EXOC4: variants seen among roughly 807,000 people sequenced by gnomAD.
EXOC4 encodes SEC8-like 1.
EXOC4 carries 71 observed loss-of-function variants against 107.2 expected under a neutral mutation model. The ratio of observed to expected loss-of-function variants is 0.66; its 90% CI spans 0.55 to 0.81. The LOEUF is 0.81. EXOC4 is among the 30% of genes least tolerant of loss of function. The pLI, the probability that EXOC4 is intolerant of heterozygous loss-of-function variation, is 0.00. For missense variants in EXOC4, 1,108 were observed against 1,189.6 expected (o/e 0.93, Z 1.01); for synonymous variants, 456 against 441.2 (o/e 1.03, Z -0.42).
chr7:133,645,201 C>T lies in EXOC4; in HGVS notation c.1514+15060C>T, dbSNP rs547570397. ...CCGCCTCCCGGGTTCAAGTGATTCT[C>T]CTGCCTCAGCCTCCCAAGTAGCTGG... On this transcript the variant is annotated intron_variant, in intron 10 of 17. Coordinates refer to ENST00000253861, the MANE Select transcript of EXOC4 (RefSeq NM_021807.4). Among the ~76,000 whole-genome samples, 8 of 151,402 alleles carry T rather than the reference C, an allele frequency of 5.3e-5. No homozygotes were observed. In the East Asian group the frequency reaches 1.6e-3, roughly 30 times the overall value.
chr7:134,006,292 A>AAAAC (rs970274569), intron 16 of EXOC4, among the ~76,000 whole-genome samples: 36 of 152,108 alleles, frequency 2.4e-4, no homozygotes, highest in Admixed American at 3.3e-4. Flanking sequence ...TGTGGCAGCA[A>AAAAC]AAACAAACAA....
In EXOC4 at chr7:133,288,986, T is replaced by C; in HGVS notation, c.341T>C (p.Leu114Pro). 2 of 1,614,138 alleles carry C rather than the reference T, an allele frequency of 1.2e-6. No individual in the cohort carries two copies. Among genetic ancestry groups the C allele is most frequent in the Non-Finnish European group, 1.7e-6 (2 of 1,179,996 alleles). Residue 114 changes from leucine to proline, a missense_variant, in exon 3 of 18, where the codon CTG becomes CCG. Transcript: ENST00000253861. ...TGCAAACGGGATGAGCTTCGGAAAC[T>C]GTGGATTGAAGGAATTGAGCATAAG... The part of the protein sequence containing the change: ...LHCKRDELRK[L>P]WIEGIEHKHV...
At chr7:133,823,874 A>ATATATATATATATATATATTT (rs1797614694) in intron 11 of EXOC4, among the ~76,000 whole-genome samples, 1 of 9,090 alleles carries the variant, frequency 1.1e-4, no homozygotes, top group Non-Finnish European at 1.6e-4. Flanking sequence ...TATATATATT[A>ATATATATATATATATATATTT]TATATATATA....
intron 9 of EXOC4, among the ~76,000 whole-genome samples, chr7:133,490,964 G>T (rs1799361211): frequency 6.6e-6 from 1 of 152,128 alleles, no homozygotes; most frequent in African/African-American, 2.4e-5. Flanking sequence ...TATTGGTAGG[G>T]CCCACGGCAC....
intron 13 of EXOC4, among the ~76,000 whole-genome samples, chr7:133,932,621 T>C (rs900474477): frequency 1.3e-5 from 2 of 152,306 alleles, no homozygotes; most frequent in South Asian, 4.1e-4. Context: ...ACAGACATAA[T>C]GGCCTCTATT....
intron 14 of EXOC4, among the ~76,000 whole-genome samples, chr7:133,979,093 T>C (rs2116907931): frequency 6.6e-6 from 1 of 152,330 alleles, no homozygotes; most frequent in East Asian, 1.9e-4. Context: ...TCCAAAATAA[T>C]CCTGATTCAG....
chr7:133,814,831 T>G (rs1410310450), intron 10 of EXOC4, among the ~76,000 whole-genome samples: 1 of 152,222 alleles, frequency 6.6e-6, no homozygotes, highest in Non-Finnish European at 1.5e-5. Context: ...AGTCTTTTCA[T>G]GTGTTTTGAT....
At position 133,718,591 on chromosome 7, in the gene EXOC4, A is replaced by T. The variant is rs141670772; in HGVS notation, c.1514+88450A>T. 1.9e-3 allele frequency among the ~76,000 whole-genome samples: 296 copies of T among 152,230 alleles called. 1 individual carries two copies. The highest frequency in any genetic ancestry group is 6.6e-3 in the African/African-American group (275 of 41,536). On this transcript the variant is annotated intron_variant, in intron 10 of 17. Transcript: ENST00000253861. ...AGGTTAAGAATTTGCACCCTAGAAG[A>T]CTTCAATTCAAATCCCTGCTTCCCC...
intron 6 of EXOC4, among the ~76,000 whole-genome samples, chr7:133,361,419 T>G (rs942177597): frequency 6.6e-6 from 1 of 152,196 alleles, no homozygotes; most frequent in African/African-American, 2.4e-5. Context: ...TAACTGGGAC[T>G]ACAGGTGCCT....
At chr7:133,841,061 T>TCCAA (rs1387530192) in intron 11 of EXOC4, among the ~76,000 whole-genome samples, 1 of 152,072 alleles carries the variant, frequency 6.6e-6, no homozygotes, top group Admixed American at 6.5e-5. Flanking sequence ...GGTGGGGAAG[T>TCCAA]CCAAGATCAA....
At chr7:133,399,040 T>G (rs1436829275) in intron 7 of EXOC4, among the ~76,000 whole-genome samples, 2 of 152,240 alleles carry the variant, frequency 1.3e-5, no homozygotes, top group Non-Finnish European at 2.9e-5. Context: ...CCTCCTGCCA[T>G]TCCTATAAAT....
chr7:133,441,266 T>G (rs1798097315), intron 7 of EXOC4, among the ~76,000 whole-genome samples: 1 of 152,050 alleles, frequency 6.6e-6, no homozygotes, highest in African/African-American at 2.4e-5. Flanking sequence ...ACACGGAATA[T>G]GTGGAAGGAA....
At chr7:133,784,810 G>T (rs1262088812) in intron 10 of EXOC4, among the ~76,000 whole-genome samples, 1 of 152,064 alleles carries the variant, frequency 6.6e-6, no homozygotes, top group African/African-American at 2.4e-5. Flanking sequence ...TTCAGAACAG[G>T]CTGTTCAAGA....
At chr7:133,989,462 A>T (rs1389443371) in intron 14 of EXOC4, among the ~76,000 whole-genome samples, 8 of 152,234 alleles carry the variant, frequency 5.3e-5, no homozygotes. Context: ...AAAAGTCCCC[A>T]GAAACACCGG....
intron 6 of EXOC4, among the ~76,000 whole-genome samples, chr7:133,358,953 G>A (rs962746307): frequency 1.2e-4 from 19 of 152,214 alleles, no homozygotes; most frequent in Non-Finnish European, 2.2e-4. Flanking sequence ...TCGTTTGTCC[G>A]TATTTTAGAA....
chr7:133,532,828 A>G (rs1563099180), intron 9 of EXOC4, among the ~76,000 whole-genome samples: 1 of 152,176 alleles, frequency 6.6e-6, no homozygotes, highest in East Asian at 1.9e-4. Context: ...CTAATAAAGG[A>G]TAATTTAAAC....
At chr7:133,770,891 C>G (rs1461249113) in intron 10 of EXOC4, among the ~76,000 whole-genome samples, 1 of 151,834 alleles carries the variant, frequency 6.6e-6, no homozygotes, top group Non-Finnish European at 1.5e-5. Context: ...ATAGTAAATG[C>G]CCTGAAAACC....
intron 9 of EXOC4, among the ~76,000 whole-genome samples, chr7:133,549,472 A>G (rs892435571): frequency 9.9e-5 from 15 of 152,170 alleles, no homozygotes; most frequent in Admixed American, 1.3e-4. Flanking sequence ...GAAGGCACAC[A>G]TGCATTGATT....
intron 9 of EXOC4, among the ~76,000 whole-genome samples, chr7:133,487,454 A>G (rs1472322323): frequency 2.0e-5 from 3 of 152,214 alleles, no homozygotes; most frequent in African/African-American, 7.2e-5. Flanking sequence ...CACTCCTGTA[A>G]TCCCCTCTCT....
Sources: allele counts gnomAD v4.1 joint callset (sites outside exome capture counted in the v4.1 genomes callset), GRCh38; gene constraint gnomAD v4.1.1; transcripts MANE v1.5; gene names NCBI Gene and HGNC (gene_info 2026-07-23, HGNC 2026-07-21).